CDH18: variants seen among roughly 807,000 people sequenced by gnomAD.
The protein encoded by CDH18 is cadherin 18, also known as cadherin-18.
Under a neutral mutation model 67.9 loss-of-function variants are expected in CDH18, and 31 were observed. That is an observed-to-expected ratio of 0.46 (90% CI 0.34 to 0.62). CDH18 has a LOEUF of 0.62. Ranked by LOEUF, CDH18 falls within the 20% of genes least tolerant of loss-of-function variation. The probability of loss-of-function intolerance (pLI) is 0.01; values close to 1 mark genes in which losing one functional copy is unlikely to be tolerated. For synonymous variants in CDH18, 362 were observed against 347.2 expected, an observed-to-expected ratio of 1.04 and a Z score of -0.48; for missense variants, 890 against 975.5, an observed-to-expected ratio of 0.91 and a Z score of 1.17.
intron 9 of CDH18, among the ~76,000 whole-genome samples, chr5:19,534,459 C>A (rs1470888593): frequency 2.0e-5 from 3 of 151,904 alleles, no homozygotes; most frequent in African/African-American, 7.3e-5. Flanking sequence ...TATAATATAG[C>A]AACATGAAGG....
intron 1 of CDH18, among the ~76,000 whole-genome samples, chr5:20,343,849 C>T (rs1002512849): frequency 6.6e-6 from 1 of 152,062 alleles, no homozygotes; most frequent in Admixed American, 6.6e-5. Flanking sequence ...CGAGTATCCT[C>T]ACTTTTCCTT....
rs556693143 is a variant in CDH18, at chr5:20,562,811, T to G, written c.-580+12651A>C. On this transcript the variant is annotated intron_variant, in intron 1 of 14. Transcript: ENST00000507958. ...AGCATTTAATAGGAACAATTAGGTTTAAATCATAGAATAAGTTTGTTTAGC... is the reference window on the plus strand; with the variant it reads ...AGCATTTAATAGGAACAATTAGGTTGAAATCATAGAATAAGTTTGTTTAGC... Among the ~76,000 whole-genome samples, 369 of 152,032 alleles carry G rather than the reference T, an allele frequency of 2.4e-3. 4 individuals are homozygous for G. The highest frequency in any genetic ancestry group is 8.5e-3 in the African/African-American group (352 of 41,562).
intron 2 of CDH18, among the ~76,000 whole-genome samples, chr5:20,048,692 C>A (rs1298395617): frequency 1.3e-5 from 2 of 151,570 alleles, no homozygotes; most frequent in African/African-American, 4.8e-5. Flanking sequence ...TAATGGATAT[C>A]CAGAGTCACA....
intron 5 of CDH18, among the ~76,000 whole-genome samples, chr5:19,646,241 G>A (rs1166263681): frequency 6.6e-6 from 1 of 152,026 alleles, no homozygotes; most frequent in Non-Finnish European, 1.5e-5. Context: ...AGCACTTACC[G>A]AGATGGGTAA....
chr5:20,368,251 G>A (rs1451666797), intron 1 of CDH18, among the ~76,000 whole-genome samples: 2 of 152,208 alleles, frequency 1.3e-5, no homozygotes, highest in Non-Finnish European at 2.9e-5. Context: ...ATAGCTTGGT[G>A]AGATTGTAGC....
chr5:19,695,254 G>A lies in CDH18; in HGVS notation c.643+26093C>T, dbSNP rs181983111. On this transcript the variant is annotated intron_variant, in intron 5 of 12. Coordinates refer to ENST00000382275, the MANE Select transcript of CDH18 (RefSeq NM_004934.5). The stretch of plus-strand genomic sequence containing the variant: ...ATATTTTTTTCCACATTGACCTTCT[G>A]TCTCCAAACTGGTGATTTGTTTATT... 3.1e-3 allele frequency among the ~76,000 whole-genome samples: 477 copies of A among 152,292 alleles called. 2 individuals are homozygous for A. The highest frequency in any genetic ancestry group is 4.7e-3 in the Non-Finnish European group (323 of 68,024).
intron 6 of CDH18, among the ~76,000 whole-genome samples, chr5:19,591,996 A>G (rs1745221516): frequency 6.6e-6 from 1 of 152,140 alleles, no homozygotes; most frequent in Non-Finnish European, 1.5e-5. Flanking sequence ...TTATATACAC[A>G]AGTGGTGATT....
intron 2 of CDH18, among the ~76,000 whole-genome samples, chr5:19,896,995 C>G (rs1270958278): frequency 6.6e-6 from 1 of 151,888 alleles, no homozygotes; most frequent in Non-Finnish European, 1.5e-5. Context: ...AAGAAACAAA[C>G]AGTAGAATAT....
intron 12 of CDH18, among the ~76,000 whole-genome samples, chr5:19,476,601 C>T (rs1323769902): frequency 2.6e-5 from 4 of 151,958 alleles, no homozygotes; most frequent in East Asian, 1.9e-4. Context: ...TTATCATGCA[C>T]GATATATATC....
At chr5:19,781,830 AT>A (rs1431125162) in intron 3 of CDH18, among the ~76,000 whole-genome samples, 6 of 152,190 alleles carry the variant, frequency 3.9e-5, no homozygotes. Flanking sequence ...GAGAGAAAAC[AT>A]TAAGTTTTTG....
At chr5:19,574,556 A>AGTTATAT (rs1222095773) in intron 7 of CDH18, among the ~76,000 whole-genome samples, 1 of 152,126 alleles carries the variant, frequency 6.6e-6, no homozygotes, top group Non-Finnish European at 1.5e-5. Flanking sequence ...GATATTTTAG[A>AGTTATAT]GTTATATATA....
At chr5:20,356,406 A>C (rs545964551) in intron 1 of CDH18, among the ~76,000 whole-genome samples, 14 of 152,176 alleles carry the variant, frequency 9.2e-5, no homozygotes, top group Admixed American at 3.3e-4. Flanking sequence ...AAACCACCAC[A>C]ACAACAAAAA....
intron 1 of CDH18, among the ~76,000 whole-genome samples, chr5:20,260,756 T>G (rs1744590213): frequency 6.6e-6 from 1 of 152,008 alleles, no homozygotes; most frequent in Non-Finnish European, 1.5e-5. Context: ...CCTGCTGACT[T>G]GGCAGAAGTA....
intron 1 of CDH18, among the ~76,000 whole-genome samples, chr5:20,410,826 A>G (rs1266778264): frequency 2.6e-5 from 4 of 151,900 alleles, no homozygotes; most frequent in African/African-American, 9.7e-5. Flanking sequence ...AACTACGTGA[A>G]AAGGAAATTA....
At chr5:19,623,717 C>T (rs888133174) in intron 5 of CDH18, among the ~76,000 whole-genome samples, 9 of 151,364 alleles carry the variant, frequency 5.9e-5, no homozygotes, top group African/African-American at 1.9e-4. Context: ...ACTTGGAATA[C>T]GTGTTGTTGA....
intron 2 of CDH18, among the ~76,000 whole-genome samples, chr5:20,092,451 A>T (rs1246071587): frequency 6.6e-6 from 1 of 152,214 alleles, no homozygotes; most frequent in East Asian, 1.9e-4. Flanking sequence ...CAACCTAAAG[A>T]GAAAATGTTT....
Position 20,155,130 on chromosome 5 carries a change from C to T in CDH18, c.-518+100314G>A, listed in dbSNP as rs546471678. 2.0e-5 allele frequency among the ~76,000 whole-genome samples: 3 copies of T among 152,182 alleles called. No homozygotes were observed. In the South Asian group the frequency reaches 6.2e-4, roughly 32 times the overall value. On this transcript the variant is annotated intron_variant, in intron 2 of 14. Transcript: ENST00000507958. ...TTGAATGCTATTTAAGGTTGTCCAA[C>T]CATGTCTATGGCCTCAGATGTTCAT...
intron 3 of CDH18, among the ~76,000 whole-genome samples, chr5:19,764,175 C>CA (rs747971284): frequency 0.12 from 9,579 of 79,356 alleles, 398 homozygotes; most frequent in Middle Eastern, 0.17. Flanking sequence ...GACTCTGTCT[C>CA]AAAAAAAAAA....
At chr5:20,117,350 A>G (rs1397896498) in intron 2 of CDH18, among the ~76,000 whole-genome samples, 1 of 152,178 alleles carries the variant, frequency 6.6e-6, no homozygotes, top group African/African-American at 2.4e-5. Flanking sequence ...AAGTATGACT[A>G]ATTTCCCTTC....
Sources: allele counts gnomAD v4.1 joint callset (sites outside exome capture counted in the v4.1 genomes callset), GRCh38; gene constraint gnomAD v4.1.1; transcripts MANE v1.5; gene names NCBI Gene and HGNC (gene_info 2026-07-23, HGNC 2026-07-21).